The following OPCML variants were observed in gnomAD, a reference collection of about 807,000 sequenced individuals.
OPCML encodes the protein opioid binding protein/cell adhesion molecule like.
Under a neutral mutation model 37.8 loss-of-function variants are expected in OPCML, and 13 were observed. The ratio of observed to expected loss-of-function variants is 0.34; its 90% confidence interval spans 0.22 to 0.55. The LOEUF is 0.55. Ranked by LOEUF, OPCML falls within the 20% of genes least tolerant of loss-of-function variation. OPCML has a pLI of 0.91. For missense variants in OPCML, 341 were observed against 435.6 expected (o/e 0.78, Z 1.93); for synonymous variants, 176 against 168.8 (o/e 1.04, Z -0.33).
chr11:133,007,255 T>C, intron 1 of OPCML: 1 of 985,400 alleles, frequency 1.0e-6, no homozygotes, highest in South Asian at 4.7e-5. Flanking sequence ...CAATTTGTGG[T>C]TATATTCAAA....
At chr11:132,460,657 C>T (rs959561397) in intron 4 of OPCML, among the ~76,000 whole-genome samples, 1 of 152,212 alleles carries the variant, frequency 6.6e-6, no homozygotes, top group African/African-American at 2.4e-5. Flanking sequence ...CGACTTGGGG[C>T]TATCTTTTGC....
rs570956971 is a variant in OPCML at position 132,631,562 on chromosome 11, C to T, written c.379+25525G>A. Among the ~76,000 whole-genome samples, 18 of 151,166 alleles carry T rather than the reference C, an allele frequency of 1.2e-4. No individual in the cohort carries two copies. The South Asian group carries it at 3.8e-3, about 32-fold the overall frequency. On this transcript the variant is annotated intron_variant, in intron 3 of 7. Transcript: ENST00000524381. Reference sequence around the variant, plus strand: ...GCAAGCTCCGCCTCCCGGGTTCACGCCATTCGCCTGCCTCAGCCTCCCGAG... The same window carrying T: ...GCAAGCTCCGCCTCCCGGGTTCACGTCATTCGCCTGCCTCAGCCTCCCGAG...
chr11:133,060,512 G>T (rs1037344338), intron 1 of OPCML, among the ~76,000 whole-genome samples: 2 of 152,174 alleles, frequency 1.3e-5, no homozygotes, highest in African/African-American at 4.8e-5. Flanking sequence ...CCACGCTCAG[G>T]ACAAAGTCAC....
At chr11:133,484,078 ATAGATTC>A (rs1947471126) in intron 1 of OPCML, among the ~76,000 whole-genome samples, 1 of 136,128 alleles carries the variant, frequency 7.3e-6, no homozygotes, top group Non-Finnish European at 1.5e-5. Context: ...AGATAGATAG[ATAGATTC>A]ATAGATGAAT....
intron 2 of OPCML, among the ~76,000 whole-genome samples, chr11:132,915,100 T>A (rs1944561016): frequency 6.6e-6 from 1 of 152,346 alleles, no homozygotes; most frequent in East Asian, 1.9e-4. Flanking sequence ...CTTCTAGTAA[T>A]AGAGAAGTAT....
chr11:133,484,413 G>A (rs796076547), intron 1 of OPCML, among the ~76,000 whole-genome samples: 7 of 152,078 alleles, frequency 4.6e-5, no homozygotes, highest in African/African-American at 9.7e-5. Context: ...TTGGAAATAC[G>A]AATTGGTAAC....
intron 1 of OPCML, among the ~76,000 whole-genome samples, chr11:133,114,751 G>A (rs1949306302): frequency 6.6e-6 from 1 of 152,142 alleles, no homozygotes; most frequent in African/African-American, 2.4e-5. Context: ...TTGAGTGGGT[G>A]CTAAATAATT....
chr11:132,914,622 C>G (rs1037906680), intron 2 of OPCML, among the ~76,000 whole-genome samples: 1 of 152,192 alleles, frequency 6.6e-6, no homozygotes, highest in Non-Finnish European at 1.5e-5. Context: ...GGCTCTTTAC[C>G]TGACCTCAGT....
intron 2 of OPCML, among the ~76,000 whole-genome samples, chr11:132,891,312 G>T (rs912531672): frequency 6.6e-6 from 1 of 152,038 alleles, no homozygotes; most frequent in Non-Finnish European, 1.5e-5. Context: ...CATCCATCTG[G>T]TCAGAAAGAT....
intron 1 of OPCML, among the ~76,000 whole-genome samples, chr11:133,057,271 C>T (rs1033234925): frequency 1.3e-5 from 2 of 152,220 alleles, no homozygotes; most frequent in Admixed American, 1.3e-4. Flanking sequence ...TCTTACATAA[C>T]CTCTGTTGCC....
intron 2 of OPCML, among the ~76,000 whole-genome samples, chr11:132,658,162 C>T (rs899878014): frequency 2.0e-5 from 3 of 152,138 alleles, no homozygotes; most frequent in Non-Finnish European, 2.9e-5. Flanking sequence ...GAACTGAGGA[C>T]GTGGGAATGG....
chr11:133,035,233 C>G (rs961293055), intron 1 of OPCML, among the ~76,000 whole-genome samples: 1 of 152,188 alleles, frequency 6.6e-6, no homozygotes, highest in African/African-American at 2.4e-5. Flanking sequence ...GTCATGTCGC[C>G]GAGGGCAGCA....
chr11:132,835,604 A>AC (rs1396654171), intron 2 of OPCML, among the ~76,000 whole-genome samples: 1 of 152,020 alleles, frequency 6.6e-6, no homozygotes, highest in African/African-American at 2.4e-5. Context: ...ATCTGTCTCT[A>AC]CCCCCAACTT....
At chr11:132,777,968 G>A (rs546575869) in intron 2 of OPCML, among the ~76,000 whole-genome samples, 4 of 152,162 alleles carry the variant, frequency 2.6e-5, no homozygotes, top group African/African-American at 9.6e-5. Context: ...TCTCTGGATC[G>A]GCATGGGCAG....
intron 3 of OPCML, among the ~76,000 whole-genome samples, chr11:132,580,038 C>G (rs2096459167): frequency 6.6e-6 from 1 of 152,148 alleles, no homozygotes; most frequent in African/African-American, 2.4e-5. Context: ...TCCACATCTC[C>G]TAACCCTGGC....
intron 2 of OPCML, among the ~76,000 whole-genome samples, chr11:132,905,253 CAG>C (rs1355958264): frequency 2.4e-5 from 2 of 82,532 alleles, no homozygotes; most frequent in Non-Finnish European, 4.7e-5. Context: ...TTTTTTTTGA[CAG>C]AGTTTCACTC....
intron 1 of OPCML, among the ~76,000 whole-genome samples, chr11:132,956,925 G>T (rs968859751): frequency 2.6e-5 from 4 of 152,160 alleles, no homozygotes; most frequent in Non-Finnish European, 5.9e-5. Flanking sequence ...GAAGCCAAGA[G>T]TTCAAGGCCA....
intron 3 of OPCML, among the ~76,000 whole-genome samples, chr11:132,578,665 C>T (rs2096456037): frequency 6.6e-6 from 1 of 152,196 alleles, no homozygotes; most frequent in Admixed American, 6.5e-5. Context: ...CTCTGCCTGT[C>T]TTTGTGCCAA....
At chr11:132,768,923 T>G (rs1255700215) in intron 2 of OPCML, among the ~76,000 whole-genome samples, 1 of 152,138 alleles carries the variant, frequency 6.6e-6, no homozygotes, top group Admixed American at 6.5e-5. Context: ...AGCACTTTAT[T>G]TGATAAAATC....
Sources: gnomAD v4.1 joint callset for allele counts (sites outside exome capture counted in the v4.1 genomes callset) on GRCh38, gnomAD v4.1.1 for gene constraint, MANE v1.5 for transcripts, NCBI Gene and HGNC (gene_info 2026-07-23, HGNC 2026-07-21) for gene names.